RIMBP2: variants seen among roughly 807,000 people sequenced by gnomAD.
The protein encoded by RIMBP2 is RIMS-binding protein 2.
Under a neutral mutation model 118.6 loss-of-function variants are expected in RIMBP2, and 48 were observed. The observed-to-expected ratio is 0.40, with a 90% CI of 0.32 to 0.51. The LOEUF (loss-of-function observed/expected upper bound fraction) is 0.51. RIMBP2 is among the 20% of genes least tolerant of loss of function. RIMBP2 has a pLI of 0.41. For synonymous variants in RIMBP2, 762 were observed against 742.9 expected, an observed-to-expected ratio of 1.03 and a Z score of -0.42; for missense variants, 1,551 against 1,768.3, an observed-to-expected ratio of 0.88 and a Z score of 2.20.
intron 1 of RIMBP2, among the ~76,000 whole-genome samples, chr12:130,700,127 A>T (rs1188193961): frequency 6.6e-6 from 1 of 151,894 alleles, no homozygotes; most frequent in African/African-American, 2.4e-5. Context: ...TGCTTCCTGA[A>T]CTCTTACTAG....
Position 130,656,835 on chromosome 12 carries a change from G to A in RIMBP2, c.-351-28379C>T, listed in dbSNP as rs377173696. 2.2e-4 allele frequency among the ~76,000 whole-genome samples: 34 copies of A among 152,220 alleles called. 1 individual carries two copies. The South Asian group carries it at 6.9e-3, about 31-fold the overall frequency. On this transcript the variant is annotated intron_variant, in intron 1 of 22. Coordinates refer to ENST00000690449, the MANE Select transcript of RIMBP2 (RefSeq NM_001393629.1). ...GAGGTGGCAGGATGGTTTGAGCCTG[G>A]GGGGAGGAGGTTGCAGTGAGCCAAG...
intron 7 of RIMBP2, among the ~76,000 whole-genome samples, chr12:130,453,451 T>A (rs975583483): frequency 6.6e-6 from 1 of 152,226 alleles, no homozygotes; most frequent in Non-Finnish European, 1.5e-5. Flanking sequence ...CTGCGGCAGA[T>A]GAACAGGTAA....
At chr12:130,642,838 T>A (rs1377227955) in intron 1 of RIMBP2, among the ~76,000 whole-genome samples, 1 of 152,174 alleles carries the variant, frequency 6.6e-6, no homozygotes, top group Non-Finnish European at 1.5e-5. Flanking sequence ...GGCACCTTGA[T>A]CTGAACCAGG....
At chr12:130,456,375 G>A (rs1566070721) in intron 7 of RIMBP2, 121 bp downstream of exon 7, 1 of 768,802 alleles carries the variant, frequency 1.3e-6, no homozygotes, top group Non-Finnish European at 2.0e-6. Flanking sequence ...CCATTGCAGT[G>A]GCGGGTCCCT....
intron 3 of RIMBP2, among the ~76,000 whole-genome samples, chr12:130,508,290 T>G (rs1299402656): frequency 1.3e-5 from 2 of 151,838 alleles, no homozygotes; most frequent in African/African-American, 4.8e-5. Flanking sequence ...CTGCCAGATC[T>G]TGCCTCTCCC....
chr12:130,513,556 G>A (rs1174941965), intron 3 of RIMBP2, among the ~76,000 whole-genome samples: 1 of 152,122 alleles, frequency 6.6e-6, no homozygotes, highest in Non-Finnish European at 1.5e-5. Context: ...AAACAGAGAA[G>A]AAATTTGAAT....
At chr12:130,427,396 C>G (rs1279910314) in intron 15 of RIMBP2, 3 of 152,324 alleles carry the variant, frequency 2.0e-5, no homozygotes, top group Non-Finnish European at 2.9e-5. Flanking sequence ...AGCTGGTCAT[C>G]CCGCACTGCC....
chr12:130,405,091 T>A (rs983775860), intron 21 of RIMBP2, among the ~76,000 whole-genome samples: 16 of 152,184 alleles, frequency 1.1e-4, no homozygotes, highest in African/African-American at 3.4e-4. Context: ...ATGAGGTGAT[T>A]ATTTCTATCA....
intron 1 of RIMBP2, among the ~76,000 whole-genome samples, chr12:130,689,250 T>C (rs918519880): frequency 2.6e-5 from 4 of 152,064 alleles, no homozygotes; most frequent in African/African-American, 7.2e-5. Context: ...CTGGCCGATG[T>C]GGCGAAAACC....
rs1950076022 is a variant in RIMBP2 at position 130,713,239 on chromosome 12, A to AAGGAAGGAAGGAAGAT, written c.-352+2982_-352+2983insATCTTCCTTCCTTCCT. Among the ~76,000 whole-genome samples the AAGGAAGGAAGGAAGAT allele has an allele frequency of 1.1e-4, 16 of 149,206 alleles. No homozygotes were observed. The South Asian group carries it at 1.1e-3, about 10-fold the overall frequency. ...GAAGGAAGGAAGGAAGGAAGGAAGG[A>AAGGAAGGAAGGAAGAT]AGGAAGGAAGGAAGGAAGGAAGGAA... On this transcript the variant is annotated intron_variant, in intron 1 of 22. Coordinates refer to ENST00000690449, the MANE Select transcript of RIMBP2 (RefSeq NM_001393629.1).
chr12:130,539,403 A>G (rs1436044535), intron 2 of RIMBP2, among the ~76,000 whole-genome samples: 2 of 152,248 alleles, frequency 1.3e-5, no homozygotes, highest in African/African-American at 2.4e-5. Context: ...ATGTCTGAGC[A>G]AAGATGTGAA....
intron 6 of RIMBP2, among the ~76,000 whole-genome samples, chr12:130,461,650 A>C (rs2080004187): frequency 6.6e-6 from 1 of 152,204 alleles, no homozygotes. Flanking sequence ...TCCCTCATGA[A>C]TAGCTTGGCG....
intron 2 of RIMBP2, among the ~76,000 whole-genome samples, chr12:130,609,416 C>G (rs1395147228): frequency 1.5e-5 from 2 of 131,176 alleles, no homozygotes; most frequent in African/African-American, 5.6e-5. Context: ...TTGATTAACC[C>G]TCCTTGGTGA....
chr12:130,599,052 A>G (rs1292107159), intron 2 of RIMBP2, among the ~76,000 whole-genome samples: 3 of 152,220 alleles, frequency 2.0e-5, no homozygotes, highest in Non-Finnish European at 4.4e-5. Flanking sequence ...ATGGAGAAAG[A>G]GTTATCTTTT....
chr12:130,437,150 G>A lies in RIMBP2; in HGVS notation c.1798C>T (p.Pro600Ser), dbSNP rs1337055833. 2.5e-6 allele frequency: 4 copies of A among 1,588,046 alleles called. No homozygotes were observed. Among genetic ancestry groups the A allele is most frequent in the South Asian group, 2.3e-5 (2 of 87,858 alleles). The stretch of plus-strand genomic sequence containing the variant: ...GGGGTAGGAGGCACCAGGAGCTCGG[G>A]GGGAACGGCAGCAACTGCAGAGTCC... ...SVDSAVAAVP[P>S]ELLVPPTPHP... Residue 600 changes from proline (P) to serine (S), a missense_variant, in exon 13 of 23, where the codon CCC becomes TCC. By Grantham distance (74) the Pro-to-Ser change is moderately conservative. Around this residue, in one of 5 missense-constraint regions of RIMBP2, gnomAD observed 1,038 missense variants for 1,125.1 expected, o/e 0.92. Transcript: ENST00000690449.
rs550784178 is a variant in RIMBP2, at chr12:130,626,151, G to A, written c.-217+2171C>T. ...GGCTCTATTGTAATGAGAAACAAAT[G>A]ATTACCAAGTGTATATCCTACATTG... On this transcript the variant is annotated intron_variant, in intron 2 of 22. Coordinates refer to ENST00000690449, the MANE Select transcript of RIMBP2 (RefSeq NM_001393629.1). Among the ~76,000 whole-genome samples the A allele has an allele frequency of 1.3e-4, 20 of 152,304 alleles. No individual in the cohort carries two copies. The East Asian group carries it at 3.9e-3, about 29-fold the overall frequency.
chr12:130,596,692 A>G (rs1433002793), intron 2 of RIMBP2, among the ~76,000 whole-genome samples: 1 of 152,230 alleles, frequency 6.6e-6, no homozygotes, highest in African/African-American at 2.4e-5. Flanking sequence ...TGTTAAATGA[A>G]ATAAGGACAC....
intron 2 of RIMBP2, among the ~76,000 whole-genome samples, chr12:130,606,754 TA>T (rs2060215079): frequency 6.6e-6 from 1 of 152,338 alleles, no homozygotes; most frequent in African/African-American, 2.4e-5. Flanking sequence ...GCCCTGGTCC[TA>T]CAGCCTGGCT....
intron 2 of RIMBP2, among the ~76,000 whole-genome samples, chr12:130,618,914 G>A (rs149797818): frequency 6.6e-6 from 1 of 152,104 alleles, no homozygotes; most frequent in East Asian, 1.9e-4. Context: ...GGGAGGAAGA[G>A]AGGACGAATG....
Sources: gnomAD v4.1 joint callset for allele counts (sites outside exome capture counted in the v4.1 genomes callset) on GRCh38, gnomAD v4.1.1 for gene constraint, gnomAD v4.1.1 regional missense constraint, MANE v1.5 for transcripts, NCBI Gene and HGNC (gene_info 2026-07-23, HGNC 2026-07-21) for gene names.